SH3RF3: variants seen among roughly 807,000 people sequenced by gnomAD.
SH3RF3 encodes the protein E3 ubiquitin-protein ligase SH3RF3.
Under a neutral mutation model 66.3 loss-of-function variants are expected in SH3RF3, and 29 were observed. That is an observed-to-expected ratio of 0.44 (90% CI 0.33 to 0.60). The LOEUF is 0.60. Among genes scored for constraint, SH3RF3 ranks in the 20% least tolerant of loss-of-function variants. The pLI is 0.04. For synonymous variants in SH3RF3, 583 were observed against 532.0 expected (o/e 1.10, Z -1.32); for missense variants, 1,194 against 1,190.9 (o/e 1.00, Z -0.04).
intron 1 of SH3RF3, among the ~76,000 whole-genome samples, chr2:109,264,008 C>T (rs564621964): frequency 1.3e-5 from 2 of 152,196 alleles, no homozygotes; most frequent in Non-Finnish European, 2.9e-5. Context: ...AAGTCATTCC[C>T]TGGTCAGGAC....
At chr2:109,240,150 G>T (rs1679744383) in intron 1 of SH3RF3, among the ~76,000 whole-genome samples, 1 of 152,204 alleles carries the variant, frequency 6.6e-6, no homozygotes. Flanking sequence ...CTCTCTTCTT[G>T]TGGAACCATG....
intron 1 of SH3RF3, among the ~76,000 whole-genome samples, chr2:109,214,860 G>A (rs566000959): frequency 1.6e-4 from 24 of 152,312 alleles, no homozygotes; most frequent in African/African-American, 5.3e-4. Context: ...GGGGTGACGC[G>A]GACAGCAGTG....
At chr2:109,205,510 A>G (rs2105086163) in intron 1 of SH3RF3, among the ~76,000 whole-genome samples, 1 of 152,284 alleles carries the variant, frequency 6.6e-6, no homozygotes, top group South Asian at 2.1e-4. Flanking sequence ...TCCACCTCCC[A>G]AAGTGCTGGG....
At chr2:109,186,962 C>T (rs1678204484) in intron 1 of SH3RF3, among the ~76,000 whole-genome samples, 1 of 152,198 alleles carries the variant, frequency 6.6e-6, no homozygotes, top group African/African-American at 2.4e-5. Flanking sequence ...ATGATGCTGC[C>T]TCCCCAACCT....
At chr2:109,499,675 C>T (rs1176578707) in intron 9 of SH3RF3, among the ~76,000 whole-genome samples, 2 of 152,194 alleles carry the variant, frequency 1.3e-5, no homozygotes, top group Non-Finnish European at 2.9e-5. Flanking sequence ...GAGGAAGGCT[C>T]TCCTGGGGCC....
intron 3 of SH3RF3, among the ~76,000 whole-genome samples, chr2:109,396,243 C>G (rs1676140624): frequency 6.6e-6 from 1 of 152,126 alleles, no homozygotes; most frequent in South Asian, 2.1e-4. Flanking sequence ...CTCTGAGTAG[C>G]ACTTAGGAGG....
At chr2:109,162,786 C>G (rs548300488) in intron 1 of SH3RF3, among the ~76,000 whole-genome samples, 7 of 152,264 alleles carry the variant, frequency 4.6e-5, no homozygotes, top group African/African-American at 1.7e-4. Context: ...GTTCTAGATC[C>G]CCGAGGAATC....
intron 4 of SH3RF3, among the ~76,000 whole-genome samples, chr2:109,417,905 T>C (rs978591214): frequency 6.6e-6 from 1 of 152,056 alleles, no homozygotes; most frequent in African/African-American, 2.4e-5. Context: ...CAGTGAGTAA[T>C]GAGAAAGCTA....
At chr2:109,213,550 G>T (rs1244703330) in intron 1 of SH3RF3, among the ~76,000 whole-genome samples, 1 of 152,176 alleles carries the variant, frequency 6.6e-6, no homozygotes, top group Non-Finnish European at 1.5e-5. Flanking sequence ...CTAACAGGGG[G>T]CTGGGCTCTT....
At chr2:109,258,980 C>T (rs1680287823) in intron 1 of SH3RF3, among the ~76,000 whole-genome samples, 1 of 152,230 alleles carries the variant, frequency 6.6e-6, no homozygotes, top group East Asian at 1.9e-4. Context: ...CGCATGCCCT[C>T]TCTAGCTGGG....
chr2:109,374,424 A>G (rs1390627982), intron 3 of SH3RF3, among the ~76,000 whole-genome samples: 1 of 152,204 alleles, frequency 6.6e-6, no homozygotes, highest in African/African-American at 2.4e-5. Context: ...GACTGCTTGC[A>G]CGCCACACAC....
At chr2:109,444,201 G>C (rs1340953743) in intron 7 of SH3RF3, among the ~76,000 whole-genome samples, 1 of 152,200 alleles carries the variant, frequency 6.6e-6, no homozygotes, top group African/African-American at 2.4e-5. Flanking sequence ...ATTTTGAGCT[G>C]AATGAAATGA....
At chr2:109,316,177 T>C (rs1681875685) in intron 1 of SH3RF3, among the ~76,000 whole-genome samples, 1 of 152,152 alleles carries the variant, frequency 6.6e-6, no homozygotes, top group Non-Finnish European at 1.5e-5. Context: ...TTTGCTGAAC[T>C]TTTGGGCCTG....
At chr2:109,492,766 G>A (rs147007084) in intron 9 of SH3RF3, among the ~76,000 whole-genome samples, 6,586 of 152,178 alleles carry the variant, frequency 0.043, 194 homozygotes, top group Non-Finnish European at 0.066. Context: ...TGTAGGGTGC[G>A]CAGTCAGCAG....
At chr2:109,410,602 G>A (rs1206428205) in intron 4 of SH3RF3, among the ~76,000 whole-genome samples, 1 of 152,212 alleles carries the variant, frequency 6.6e-6, no homozygotes, top group Non-Finnish European at 1.5e-5. Context: ...CCCGAGGGAG[G>A]GATTGCTGGA....
At chr2:109,211,517 A>G (rs1265636452) in intron 1 of SH3RF3, among the ~76,000 whole-genome samples, 1 of 152,178 alleles carries the variant, frequency 6.6e-6, no homozygotes, top group Non-Finnish European at 1.5e-5. Context: ...TCTTCCAGGT[A>G]TCCAGTAGGA....
intron 9 of SH3RF3, among the ~76,000 whole-genome samples, chr2:109,498,467 C>A (rs1341762112): frequency 6.6e-6 from 1 of 152,196 alleles, no homozygotes; most frequent in Non-Finnish European, 1.5e-5. Context: ...TTTTCCTGAG[C>A]CTGGCACCAA....
At chr2:109,436,089 C>G (rs539567617) in intron 6 of SH3RF3, among the ~76,000 whole-genome samples, 1 of 152,118 alleles carries the variant, frequency 6.6e-6, no homozygotes, top group Non-Finnish European at 1.5e-5. Context: ...GGGCAGGCAG[C>G]CTGTTCTCCC....
chr2:109,437,038 A>T lies in SH3RF3; in HGVS notation c.1720A>T (p.Thr574Ser). The part of the protein sequence containing the change: ...TATRPALPIT[T>S]PQAHAQHPTA... ...CACCAGGCCCGCCCTGCCCATCACC[A>T]CTCCCCAGGCCCACGCCCAGCACCC... The change falls in exon 7 of 10, where the codon ACT becomes TCT. Residue 574 changes from threonine to serine, a missense_variant. Transcript: ENST00000309415. 1 of 1,613,114 alleles carries T rather than the reference A, an allele frequency of 6.2e-7. No individual in the cohort carries two copies. The highest frequency in any genetic ancestry group is 8.5e-7 in the Non-Finnish European group (1 of 1,179,748).
Sources: allele counts gnomAD v4.1 joint callset (sites outside exome capture counted in the v4.1 genomes callset), GRCh38; gene constraint gnomAD v4.1.1; transcripts MANE v1.5; gene names NCBI Gene and HGNC (gene_info 2026-07-23, HGNC 2026-07-21).